DTD1: variants seen among roughly 807,000 people sequenced by gnomAD.
DTD1 encodes the protein D-aminoacyl-tRNA deacylase 1, also known as D-tyrosyl-tRNA deacylase 1 homolog.
A neutral mutation model predicts 25.6 loss-of-function variants in DTD1; 13 were observed. The ratio of observed to expected loss-of-function variants is 0.51; its 90% CI spans 0.33 to 0.81. DTD1 has a LOEUF of 0.81. Among genes scored for constraint, DTD1 ranks in the 30% least tolerant of loss-of-function variants. The pLI is 0.02. For missense variants in DTD1, 193 were observed against 266.4 expected, an observed-to-expected ratio of 0.72 and a Z score of 1.92; for synonymous variants, 110 against 103.6, an observed-to-expected ratio of 1.06 and a Z score of -0.37.
At chr20:18,682,667 C>T (rs1330422804) in intron 4 of DTD1, among the ~76,000 whole-genome samples, 1 of 152,206 alleles carries the variant, frequency 6.6e-6, no homozygotes, top group East Asian at 1.9e-4. Flanking sequence ...AAAATGTTGA[C>T]AGTCAACTCA....
intron 4 of DTD1, among the ~76,000 whole-genome samples, chr20:18,725,121 C>T (rs2061218531): frequency 6.6e-6 from 1 of 152,230 alleles, no homozygotes; most frequent in Non-Finnish European, 1.5e-5. Flanking sequence ...AGTAGCAGCT[C>T]AGGGCAGTTT....
chr20:18,736,136 C>T (rs940983949), intron 4 of DTD1, among the ~76,000 whole-genome samples: 24 of 152,070 alleles, frequency 1.6e-4, no homozygotes, highest in African/African-American at 5.3e-4. Flanking sequence ...TTCTAGAACC[C>T]CTTCATGGCT....
intron 4 of DTD1, among the ~76,000 whole-genome samples, chr20:18,713,795 C>T (rs910034318): frequency 2.0e-5 from 3 of 152,210 alleles, no homozygotes; most frequent in Non-Finnish European, 2.9e-5. Flanking sequence ...TCAGTGTCTT[C>T]GGCAGCTCTT....
intron 4 of DTD1, among the ~76,000 whole-genome samples, chr20:18,684,861 CTG>C (rs1186813772): frequency 6.6e-6 from 1 of 151,792 alleles, no homozygotes; most frequent in Non-Finnish European, 1.5e-5. Flanking sequence ...TTGTAAGTGA[CTG>C]TGCCTGAGGG....
At chr20:18,631,245 A>G in intron 4 of DTD1, 1 of 985,088 alleles carries the variant, frequency 1.0e-6, no homozygotes, top group Non-Finnish European at 1.2e-6. Flanking sequence ...TGAGAGGCCC[A>G]GTGTAAAATG....
At chr20:18,656,880 A>G (rs1289515930) in intron 4 of DTD1, among the ~76,000 whole-genome samples, 6 of 114,206 alleles carry the variant, frequency 5.3e-5, no homozygotes, top group Non-Finnish European at 1.0e-4. Flanking sequence ...TAATGGCAAT[A>G]TTCTTTTTTG....
intron 3 of DTD1, among the ~76,000 whole-genome samples, chr20:18,626,308 T>A (rs896272138): frequency 6.6e-6 from 1 of 152,154 alleles, no homozygotes; most frequent in African/African-American, 2.4e-5. Flanking sequence ...CAGAGGGGCA[T>A]GGACACCAGT....
chr20:18,756,934 CTT>C (rs1462745781), intron 5 of DTD1, among the ~76,000 whole-genome samples: 1 of 147,456 alleles, frequency 6.8e-6, no homozygotes, highest in Non-Finnish European at 1.5e-5. Context: ...TTTTTATCCT[CTT>C]TTATTTCATT....
At chr20:18,683,407 A>C (rs1411439265) in intron 4 of DTD1, among the ~76,000 whole-genome samples, 3 of 152,162 alleles carry the variant, frequency 2.0e-5, no homozygotes, top group Non-Finnish European at 4.4e-5. Context: ...TTCAGATTTC[A>C]AGATTATTTT....
intron 4 of DTD1, among the ~76,000 whole-genome samples, chr20:18,677,293 G>T (rs1490736115): frequency 5.3e-5 from 8 of 151,216 alleles, no homozygotes; most frequent in African/African-American, 1.9e-4. Context: ...TTTTTTAATG[G>T]ACTGGAGCTG....
intron 4 of DTD1, among the ~76,000 whole-genome samples, chr20:18,628,654 C>T (rs1162242688): frequency 6.6e-6 from 1 of 152,096 alleles, no homozygotes; most frequent in Non-Finnish European, 1.5e-5. Flanking sequence ...TGTAAATCTC[C>T]ATTTTTCTAA....
intron 5 of DTD1, among the ~76,000 whole-genome samples, chr20:18,744,850 G>A (rs1434814106): frequency 6.6e-6 from 1 of 152,084 alleles, no homozygotes; most frequent in African/African-American, 2.4e-5. Context: ...TTCAAGATGA[G>A]ATTTGGGTGG....
intron 4 of DTD1, chr20:18,632,130 A>G: frequency 1.0e-6 from 1 of 979,992 alleles, no homozygotes; most frequent in Non-Finnish European, 1.2e-6. Flanking sequence ...AGATCAGAGC[A>G]TCATGCTGTA....
At chr20:18,677,431 T>G (rs4814773) in intron 4 of DTD1, among the ~76,000 whole-genome samples, 47,211 of 151,976 alleles carry the variant, frequency 0.31, 8,119 homozygotes, top group South Asian at 0.43. Context: ...CCAGAGCTGT[T>G]TTCTCTTATT....
At chr20:18,755,269 T>G (rs1414392970) in intron 5 of DTD1, among the ~76,000 whole-genome samples, 4 of 152,166 alleles carry the variant, frequency 2.6e-5, no homozygotes, top group African/African-American at 9.7e-5. Flanking sequence ...ATTCTATGAT[T>G]ATTATTATTT....
At chr20:18,645,469 C>A (rs1163953251) in intron 4 of DTD1, among the ~76,000 whole-genome samples, 1 of 152,142 alleles carries the variant, frequency 6.6e-6, no homozygotes, top group African/African-American at 2.4e-5. Context: ...GATACCAGCT[C>A]CTGCAAGCTT....
intron 4 of DTD1, among the ~76,000 whole-genome samples, chr20:18,700,734 G>A (rs371265756): frequency 2.0e-5 from 3 of 152,246 alleles, no homozygotes; most frequent in African/African-American, 4.8e-5. Context: ...GGGCTTCAGT[G>A]GACTGAGATT....
At position 18,744,111 on chromosome 20, in the gene DTD1, C is replaced by T. The variant is rs778269403; in HGVS notation, c.489C>T (p.Leu163=). 5.6e-5 allele frequency: 90 copies of T among 1,607,880 alleles called. No individual in the cohort carries two copies. Among genetic ancestry groups the T allele is most frequent in the Admixed American group, 5.6e-4 (33 of 59,268 alleles). Residue 163 remains leucine, a synonymous_variant, in exon 5 of 6, where the codon CTC becomes CTT. Transcript: ENST00000377452. ...TTTTATTTAATCAGCTGTCAAAGCT[C>T]GAAAAACAGCAGCAGAGGAAAGAAA... ...ATSDPKQLSK[L]EKQQQRKEKT... is the part of the protein sequence containing the mutation.
intron 4 of DTD1, among the ~76,000 whole-genome samples, chr20:18,694,209 G>C (rs1477096621): frequency 2.0e-5 from 3 of 152,212 alleles, no homozygotes; most frequent in Non-Finnish European, 1.5e-5. Context: ...AACAAGGTGT[G>C]AGAAGTGAAC....
Sources: allele counts gnomAD v4.1 joint callset (sites outside exome capture counted in the v4.1 genomes callset), GRCh38; gene constraint gnomAD v4.1.1; transcripts MANE v1.5; gene names NCBI Gene and HGNC (gene_info 2026-07-23, HGNC 2026-07-21).